Variants in BFSP2 observed in about 807,000 individuals in gnomAD.
BFSP2 encodes the protein beaded filament structural protein 2, also known as phakinin.
In BFSP2, 38 loss-of-function variants were observed where a neutral mutation model predicts 44.9. The ratio of observed to expected loss-of-function variants is 0.85; its 90% CI spans 0.65 to 1.11. The LOEUF is 1.11. Among genes scored for constraint, BFSP2 ranks in the 50% least tolerant of loss-of-function variants. The pLI is 0.00. For synonymous variants in BFSP2, 197 were observed against 209.9 expected (o/e 0.94, Z 0.53); for missense variants, 525 against 533.0 (o/e 0.99, Z 0.15).
At chr3:133,415,853 T>TCTCCCCTCTACTCACCCCTGCCCC (rs2073520579) in intron 1 of BFSP2, among the ~76,000 whole-genome samples, 1 of 101,168 alleles carries the variant, frequency 9.9e-6, no homozygotes, top group Admixed American at 1.1e-4. Context: ...ACCCCTGCCC[T>TCTCCCCTCTACTCACCCCTGCCCC]CTCCCCTCTA....
intron 1 of BFSP2, among the ~76,000 whole-genome samples, chr3:133,440,862 G>A (rs2073838233): frequency 6.6e-6 from 1 of 152,098 alleles, no homozygotes; most frequent in Non-Finnish European, 1.5e-5. Flanking sequence ...TTACAGTACA[G>A]GCTCAGAAGT....
At chr3:133,440,118 G>T (rs138547583) in intron 1 of BFSP2, among the ~76,000 whole-genome samples, 46 of 152,272 alleles carry the variant, frequency 3.0e-4, no homozygotes, top group African/African-American at 9.9e-4. Context: ...ATCTTACATG[G>T]TGGCAGGCAA....
At chr3:133,437,137 G>C (rs993580919) in intron 1 of BFSP2, among the ~76,000 whole-genome samples, 1 of 152,102 alleles carries the variant, frequency 6.6e-6, no homozygotes, top group African/African-American at 2.4e-5. Context: ...GGGATGGCTG[G>C]GTCAAATGGT....
chr3:133,467,764 C>T (rs896907880), intron 5 of BFSP2, among the ~76,000 whole-genome samples: 1 of 152,170 alleles, frequency 6.6e-6, no homozygotes, highest in Non-Finnish European at 1.5e-5. Context: ...ATTGTTCTAA[C>T]TACAGCTTCG....
intron 1 of BFSP2, among the ~76,000 whole-genome samples, chr3:133,428,229 G>A (rs776331666): frequency 2.6e-5 from 4 of 152,152 alleles, no homozygotes; most frequent in Non-Finnish European, 5.9e-5. Context: ...TGTGGGCCAC[G>A]TAGTATGGAA....
At chr3:133,472,037 G>A (rs1006564351) in intron 5 of BFSP2, among the ~76,000 whole-genome samples, 4 of 151,636 alleles carry the variant, frequency 2.6e-5, no homozygotes, top group African/African-American at 4.8e-5. Flanking sequence ...CTCTTGCCCC[G>A]CTCCTCTCTC....
intron 1 of BFSP2, chr3:133,410,583 T>C: frequency 3.5e-6 from 1 of 284,994 alleles, no homozygotes; most frequent in Non-Finnish European, 7.2e-6. Flanking sequence ...TCACGTATCT[T>C]TTCCAAGTGG....
Position 133,400,641 on chromosome 3 carries a change from G to A in BFSP2, c.489+69G>A. 1 of 1,548,516 alleles carries A rather than the reference G, an allele frequency of 6.5e-7. No homozygotes were observed. The highest frequency in any genetic ancestry group is 8.7e-7 in the Non-Finnish European group (1 of 1,146,866). On this transcript the variant is annotated intron_variant, in intron 1 of 6. Transcript: ENST00000302334. This position sits in a 1 kb window ranked among gnomAD's most constrained non-coding sequence, Gnocchi z 4.0. ...GGGGCTGCTGAAGGCAGCGGGTAGG[G>A]TTGTGAGTAGGCTGAGGCCAGAGAA...
chr3:133,422,973 C>G (rs1272158500), intron 1 of BFSP2, among the ~76,000 whole-genome samples: 1 of 152,218 alleles, frequency 6.6e-6, no homozygotes, highest in Non-Finnish European at 1.5e-5. Flanking sequence ...CCTTCTTGCT[C>G]CTTCTTGGAC....
At chr3:133,424,159 C>T (rs1431861769) in intron 1 of BFSP2, among the ~76,000 whole-genome samples, 1 of 150,386 alleles carries the variant, frequency 6.6e-6, no homozygotes, top group Admixed American at 6.6e-5. Flanking sequence ...TCAAGCGATT[C>T]TCCTGCCTCA....
At chr3:133,473,887 G>T (rs2074189898) in intron 6 of BFSP2, among the ~76,000 whole-genome samples, 1 of 152,174 alleles carries the variant, frequency 6.6e-6, no homozygotes, top group South Asian at 2.1e-4. Context: ...ATCAGTGAAG[G>T]AAAGACATTT....
intron 1 of BFSP2, among the ~76,000 whole-genome samples, chr3:133,404,338 C>T: frequency 6.6e-6 from 1 of 152,184 alleles, no homozygotes; most frequent in Non-Finnish European, 1.5e-5. Flanking sequence ...ACCTCTCTGC[C>T]CCTGGGAGCC....
At position 133,449,861 on chromosome 3, in the gene BFSP2, C is replaced by A. The variant is rs185769573; in HGVS notation, c.730-442C>A. Among the ~76,000 whole-genome samples the A allele has an allele frequency of 3.7e-3, 559 of 150,848 alleles. 5 individuals are homozygous for A. Among genetic ancestry groups the A allele is most frequent in the African/African-American group, 0.013 (517 of 40,916 alleles). On this transcript the variant is annotated intron_variant, in intron 3 of 6. Transcript: ENST00000302334. ...CTGAGATCATGTCACTGCACTCCAG[C>A]CTGGGTGACAGAGTGAGACCCTGTC...
intron 1 of BFSP2, among the ~76,000 whole-genome samples, chr3:133,425,655 C>A (rs550322189): frequency 6.6e-6 from 1 of 152,044 alleles, no homozygotes; most frequent in East Asian, 2.0e-4. Flanking sequence ...GGCCAAGCAC[C>A]TAGCAAGGAT....
intron 1 of BFSP2, among the ~76,000 whole-genome samples, chr3:133,425,124 T>C (rs2073631873): frequency 6.6e-6 from 1 of 152,184 alleles, no homozygotes; most frequent in Admixed American, 6.5e-5. Context: ...CAGTATGACA[T>C]TGTCATGGTA....
intron 4 of BFSP2, among the ~76,000 whole-genome samples, chr3:133,456,353 A>C (rs545703310): frequency 1.3e-5 from 2 of 152,352 alleles, no homozygotes; most frequent in South Asian, 4.1e-4. Flanking sequence ...AGGCCAAAAG[A>C]AACATTCAAG....
intron 1 of BFSP2, among the ~76,000 whole-genome samples, chr3:133,416,614 CTCTACTCACCCCTGTCCTCTCCCT>C (rs2073533289): frequency 1.4e-5 from 2 of 141,440 alleles, no homozygotes; most frequent in Admixed American, 6.9e-5. Flanking sequence ...GCCATCTCCC[CTCTACTCACCCCTGTCCTCTCCCT>C]TCTACTCACC....
chr3:133,447,537 C>G (rs1433941606), intron 2 of BFSP2, 138 bp downstream of exon 2: 15 of 868,242 alleles, frequency 1.7e-5, no homozygotes, highest in Non-Finnish European at 1.8e-5. Context: ...CCATGATTAT[C>G]CAGCTCACAC....
At chr3:133,417,594 C>G (rs577615228) in intron 1 of BFSP2, among the ~76,000 whole-genome samples, 131 of 138,684 alleles carry the variant, frequency 9.4e-4, no homozygotes, top group African/African-American at 4.0e-3. Context: ...GCCATCTCCC[C>G]TCTACTCACT....
Sources: allele counts gnomAD v4.1 joint callset (sites outside exome capture counted in the v4.1 genomes callset), GRCh38; gene constraint gnomAD v4.1.1; non-coding constraint Gnocchi (gnomAD v3.1); transcripts MANE v1.5; gene names NCBI Gene and HGNC (gene_info 2026-07-23, HGNC 2026-07-21).